Variants in UBE2D2 observed in about 807,000 individuals in gnomAD.
UBE2D2 encodes ubiquitin conjugating enzyme E2 D2.
Under a neutral mutation model 24.2 loss-of-function variants are expected in UBE2D2, and 2 were observed. The ratio of observed to expected loss-of-function variants is 0.08; its 90% CI spans 0.03 to 0.26. UBE2D2 has a LOEUF of 0.26. UBE2D2 is among the 10% of genes least tolerant of loss of function. The pLI, the probability that UBE2D2 is intolerant of heterozygous loss-of-function variation, is 1.00. For synonymous variants in UBE2D2, 58 were observed against 56.5 expected, an observed-to-expected ratio of 1.03 and a Z score of -0.12; for missense variants, 44 against 177.6, an observed-to-expected ratio of 0.25 and a Z score of 4.28.
chr5:139,552,916 A>G (rs1752941451), intron 1 of UBE2D2, among the ~76,000 whole-genome samples: 1 of 152,102 alleles, frequency 6.6e-6, no homozygotes. Context: ...TCCCGATCTC[A>G]GGTGATCCAC....
chr5:139,586,688 C>T (rs1332748458), intron 1 of UBE2D2, among the ~76,000 whole-genome samples: 1 of 151,994 alleles, frequency 6.6e-6, no homozygotes, highest in African/African-American at 2.4e-5. Context: ...TGGCATGAAC[C>T]CGGGAGGTGG....
intron 1 of UBE2D2, among the ~76,000 whole-genome samples, chr5:139,540,418 C>T (rs370342653): frequency 0.014 from 2,109 of 151,038 alleles, 53 homozygotes; most frequent in African/African-American, 0.048. Context: ...TTGTGGCGGG[C>T]GCCTGTAGTC....
At chr5:139,583,986 AAAT>A (rs1753662773) in intron 1 of UBE2D2, among the ~76,000 whole-genome samples, 1 of 152,194 alleles carries the variant, frequency 6.6e-6, no homozygotes, top group African/African-American at 2.4e-5. Flanking sequence ...TAAATTAAAA[AAAT>A]AATAAGTTTA....
intron 1 of UBE2D2, among the ~76,000 whole-genome samples, chr5:139,564,540 G>A (rs972235852): frequency 3.3e-5 from 5 of 151,160 alleles, no homozygotes; most frequent in African/African-American, 1.2e-4. Flanking sequence ...TGCAACTTCC[G>A]CTTCCTGGGT....
At chr5:139,595,707 T>TA (rs1753943810) in intron 1 of UBE2D2, among the ~76,000 whole-genome samples, 1 of 151,830 alleles carries the variant, frequency 6.6e-6, no homozygotes, top group African/African-American at 2.4e-5. Flanking sequence ...CCCAGTTGGT[T>TA]AAAAAAAGAA....
chr5:139,577,404 CTTTT>C lies in UBE2D2; in HGVS notation c.24+15611_24+15614del, dbSNP rs869189901. Among the ~76,000 whole-genome samples the C allele has an allele frequency of 2.6e-3, 182 of 69,134 alleles. 1 individual carries two copies. Among genetic ancestry groups the C allele is most frequent in the African/African-American group, 9.3e-3 (163 of 17,526 alleles). 45.4% of individuals were successfully genotyped at this position (69,134 alleles called of 152,430 possible). On this transcript the variant is annotated intron_variant, in intron 1 of 6. Transcript: ENST00000398733. ...AAACAGGATGCCAGTTAGCATCTCT[CTTTT>C]TTTTTTTTTTTTTTTTTTTTTGAGA...
chr5:139,590,289 G>A (rs995627878), intron 1 of UBE2D2, among the ~76,000 whole-genome samples: 1 of 152,008 alleles, frequency 6.6e-6, no homozygotes, highest in African/African-American at 2.4e-5. Context: ...ACAAAAAATA[G>A]CTGGGCGTGG....
Position 139,561,390 on chromosome 5 carries a change from T to G in UBE2D2, c.-402T>G, listed in dbSNP as rs1365703786. ...CCGCCCGCGCGTCCCTCGGTCCACC[T>G]GCAGCAGGGAGGAAGACAGGCAATC... On this transcript the variant is annotated 5_prime_UTR_variant, in exon 1 of 7. Coordinates refer to ENST00000398733, the MANE Select transcript of UBE2D2 (RefSeq NM_003339.3). The G allele has an allele frequency of 6.0e-6, 1 of 167,670 alleles. No homozygotes were observed. The highest frequency in any genetic ancestry group is 1.3e-5 in the Non-Finnish European group (1 of 78,386). 10.4% of individuals were successfully genotyped at this position (167,670 alleles called of 1,614,324 possible).
Position 139,600,959 on chromosome 5 carries a change from C to A in UBE2D2, c.88+524C>A, listed in dbSNP as rs1054206399. Among the ~76,000 whole-genome samples, 3 of 152,176 alleles carry A rather than the reference C, an allele frequency of 2.0e-5. No homozygotes were observed. The East Asian group carries it at 5.8e-4, about 29-fold the overall frequency. On this transcript the variant is annotated intron_variant, in intron 2 of 6. Coordinates refer to ENST00000398733, the MANE Select transcript of UBE2D2 (RefSeq NM_003339.3). ...CTGGGATTACAGGTGCATGCCACCA[C>A]GCCTGATTAATTTTTGTATTTTTAG...
chr5:139,550,198 CTCAA>C (rs1181321932), intron 1 of UBE2D2, among the ~76,000 whole-genome samples: 1 of 151,342 alleles, frequency 6.6e-6, no homozygotes, highest in African/African-American at 2.4e-5. Context: ...CTGTGTCTAG[CTCAA>C]GGTTTGTAAA....
intron 1 of UBE2D2, among the ~76,000 whole-genome samples, chr5:139,577,224 A>G (rs1276921931): frequency 1.3e-5 from 2 of 151,912 alleles, no homozygotes; most frequent in Non-Finnish European, 2.9e-5. Context: ...GAAAAGTATT[A>G]CTTTTAAGTT....
At chr5:139,562,432 G>A in intron 1 of UBE2D2, 2 of 1,207,762 alleles carry the variant, frequency 1.7e-6, no homozygotes, top group South Asian at 2.5e-5. Context: ...GAGGAGGGAA[G>A]TAGAGGGAGA....
intron 1 of UBE2D2, among the ~76,000 whole-genome samples, chr5:139,572,206 A>G (rs1414580473): frequency 2.0e-5 from 3 of 152,176 alleles, no homozygotes; most frequent in Admixed American, 2.0e-4. Context: ...CTTCTTCCTC[A>G]TATCTGGTGT....
intron 1 of UBE2D2, among the ~76,000 whole-genome samples, chr5:139,573,131 C>G (rs1466026779): frequency 6.6e-6 from 1 of 151,760 alleles, no homozygotes; most frequent in Non-Finnish European, 1.5e-5. Flanking sequence ...GAAACCCCAT[C>G]TCCACTAAAA....
chr5:139,538,658 G>T (rs1041940915), intron 1 of UBE2D2, among the ~76,000 whole-genome samples: 1 of 151,986 alleles, frequency 6.6e-6, no homozygotes. Context: ...ATCACCTGAG[G>T]TCAGGAGTTC....
At chr5:139,535,983 G>A (rs1281588231) in intron 1 of UBE2D2, among the ~76,000 whole-genome samples, 1 of 149,052 alleles carries the variant, frequency 6.7e-6, no homozygotes. Context: ...ACCTCTGCCT[G>A]CCAGGTTCCA....
chr5:139,561,311 CTCGG>C (rs1023819815), upstream of UBE2D2: 4 of 153,586 alleles, frequency 2.6e-5, no homozygotes, highest in African/African-American at 9.6e-5. Context: ...CGACCTGCCC[CTCGG>C]TCGGGCCCAC....
At position 139,590,360 on chromosome 5, in the gene UBE2D2, A is replaced by G. The variant is rs542491992; in HGVS notation, c.25-10012A>G. 6.8e-4 allele frequency among the ~76,000 whole-genome samples: 103 copies of G among 151,550 alleles called. 1 individual carries two copies. Among genetic ancestry groups the G allele is most frequent in the Non-Finnish European group, 1.2e-3 (81 of 67,910 alleles). On this transcript the variant is annotated intron_variant, in intron 1 of 6. Transcript: ENST00000398733. ...GGCTGCAGGAGAATCGCTTGAACCC[A>G]GGAGGCGGAGGTTGCAGTGAGCTGA...
chr5:139,608,816 G>A (rs1203223900), intron 2 of UBE2D2, among the ~76,000 whole-genome samples: 1 of 152,164 alleles, frequency 6.6e-6, no homozygotes, highest in African/African-American at 2.4e-5. Flanking sequence ...CGGGCCTGGT[G>A]GCTTATGCCT....
Sources: allele counts gnomAD v4.1 joint callset (sites outside exome capture counted in the v4.1 genomes callset), GRCh38; gene constraint gnomAD v4.1.1; transcripts MANE v1.5; gene names NCBI Gene and HGNC (gene_info 2026-07-23, HGNC 2026-07-21).